NME8: variants seen among roughly 807,000 people sequenced by gnomAD.
The protein encoded by NME8 is protein NME8.
NME8 carries 72 observed loss-of-function variants against 82.3 expected under a neutral mutation model. The ratio of observed to expected loss-of-function variants is 0.87; its 90% CI spans 0.72 to 1.06. NME8 has a LOEUF of 1.06. Among genes scored for constraint, NME8 ranks in the 50% least tolerant of loss-of-function variants. NME8 has a pLI of 0.00. For synonymous variants in NME8, 267 were observed against 228.5 expected, an observed-to-expected ratio of 1.17 and a Z score of -1.52; for missense variants, 712 against 685.4, an observed-to-expected ratio of 1.04 and a Z score of -0.43.
intron 5 of NME8, among the ~76,000 whole-genome samples, chr7:37,856,287 A>G (rs531358090): frequency 6.6e-6 from 1 of 152,290 alleles, no homozygotes; most frequent in African/African-American, 2.4e-5. Flanking sequence ...GGAGATGGAG[A>G]CTTTAGAAGG....
intron 11 of NME8, among the ~76,000 whole-genome samples, chr7:37,868,640 G>A (rs1784726708): frequency 6.6e-6 from 1 of 152,028 alleles, no homozygotes; most frequent in African/African-American, 2.4e-5. Context: ...CTAGAGCTGG[G>A]CATACCAGTC....
intron 12 of NME8, among the ~76,000 whole-genome samples, chr7:37,879,852 C>T (rs1172163110): frequency 6.6e-6 from 1 of 152,122 alleles, no homozygotes; most frequent in Non-Finnish European, 1.5e-5. Context: ...ACAACCTTGC[C>T]AGGATTTGGT....
At chr7:37,860,390 C>G (rs927626646) in intron 6 of NME8, among the ~76,000 whole-genome samples, 1 of 152,170 alleles carries the variant, frequency 6.6e-6, no homozygotes, top group Non-Finnish European at 1.5e-5. Flanking sequence ...TATCCAAGTA[C>G]CAGCCTGTAC....
At chr7:37,891,862 G>A (rs1583645240) in intron 15 of NME8, among the ~76,000 whole-genome samples, 1 of 151,946 alleles carries the variant, frequency 6.6e-6, no homozygotes, top group South Asian at 2.1e-4. Flanking sequence ...TGTTTTCTCT[G>A]CTTTAAATGA....
chr7:37,882,931 A>C (rs184903796), intron 12 of NME8, among the ~76,000 whole-genome samples: 2 of 152,326 alleles, frequency 1.3e-5, no homozygotes, highest in East Asian at 3.9e-4. Flanking sequence ...GAAGCAAAGA[A>C]ACTCAATGCC....
In NME8 at chr7:37,881,015, G is replaced by A. The variant is rs560718193; in HGVS notation, c.995-3288G>A. On this transcript the variant is annotated intron_variant, in intron 12 of 17. Coordinates refer to ENST00000199447, the MANE Select transcript of NME8 (RefSeq NM_016616.5). ...TTTGCTATAATAGTCTCTTATCAGT[G>A]CCCGAAGTTTTGTGTTGTTGTTATT... Among the ~76,000 whole-genome samples, 3 of 152,150 alleles carry A rather than the reference G, an allele frequency of 2.0e-5. No individual in the cohort carries two copies. The East Asian group carries it at 5.8e-4, about 29-fold the overall frequency.
intron 16 of NME8, among the ~76,000 whole-genome samples, chr7:37,896,057 G>A (rs566805353): frequency 6.6e-6 from 1 of 152,066 alleles, no homozygotes; most frequent in Non-Finnish European, 1.5e-5. Flanking sequence ...ACACACGTGT[G>A]TATAAAATAC....
intron 12 of NME8, among the ~76,000 whole-genome samples, chr7:37,880,514 G>T (rs1346852179): frequency 6.6e-6 from 1 of 152,176 alleles, no homozygotes; most frequent in East Asian, 1.9e-4. Flanking sequence ...CTATGTTTGT[G>T]TGGGTCTTTT....
In NME8 at chr7:37,850,295, TA is replaced by T. The variant is rs753590172; in HGVS notation, c.30del (p.Leu10PhefsTer20). On this transcript the variant is annotated frameshift_variant, in exon 3 of 18. Coordinates refer to ENST00000199447, the MANE Select transcript of NME8 (RefSeq NM_016616.5). LOFTEE classifies it high-confidence loss of function. The part of the protein sequence containing the change: MASKKREVQ[L>X]QTVINNQSLW... ...GCAAGCAAAAAACGAGAAGTCCAGT[TA>T]CAGGTGGGTCTGACATATCAACAAT... 1.9e-6 allele frequency: 3 copies of T among 1,614,068 alleles called. No homozygotes were observed. The highest frequency in any genetic ancestry group is 2.5e-6 in the Non-Finnish European group (3 of 1,180,000).
intron 5 of NME8, among the ~76,000 whole-genome samples, chr7:37,851,483 TA>T (rs35859517): frequency 0.27 from 41,596 of 151,820 alleles, 5,886 homozygotes; most frequent in African/African-American, 0.36. Context: ...TATTTCTGAT[TA>T]ACATTTAGCA....
rs1271157647 is a variant in NME8 at position 37,896,116 on chromosome 7, A to G, written c.1545-754A>G. Among the ~76,000 whole-genome samples, 7 of 152,210 alleles carry G rather than the reference A, an allele frequency of 4.6e-5. No individual in the cohort carries two copies. In the East Asian group the frequency reaches 1.2e-3, roughly 25 times the overall value. On this transcript the variant is annotated intron_variant, in intron 16 of 17. Coordinates refer to ENST00000199447, the MANE Select transcript of NME8 (RefSeq NM_016616.5). The stretch of plus-strand genomic sequence containing the variant: ...ATGTCTTCTCTTTTTTCAGTTCCTG[A>G]CAATTTGTCAATGAGTTTAGGAAGG...
chr7:37,881,226 C>CT (rs921439784), intron 12 of NME8, among the ~76,000 whole-genome samples: 4 of 151,850 alleles, frequency 2.6e-5, no homozygotes, highest in African/African-American at 7.3e-5. Context: ...AGTAGCTTTG[C>CT]TTTTTTTTCC....
At chr7:37,849,738 G>A (rs545497728) in intron 2 of NME8, among the ~76,000 whole-genome samples, 2 of 152,144 alleles carry the variant, frequency 1.3e-5, no homozygotes, top group East Asian at 3.9e-4. Flanking sequence ...CGCCGTGGTG[G>A]CGGGTGCCTG....
intron 5 of NME8, among the ~76,000 whole-genome samples, chr7:37,855,909 C>A (rs1238836227): frequency 6.6e-6 from 1 of 151,962 alleles, no homozygotes; most frequent in East Asian, 1.9e-4. Context: ...GCTGGCACAG[C>A]TGCAGCAATG....
intron 12 of NME8, among the ~76,000 whole-genome samples, chr7:37,880,453 C>G (rs1784926456): frequency 6.6e-6 from 1 of 152,196 alleles, no homozygotes; most frequent in African/African-American, 2.4e-5. Context: ...GTTGACAAGA[C>G]TGTCCTTCCT....
chr7:37,877,626 G>A (rs547092191), intron 12 of NME8, among the ~76,000 whole-genome samples: 3 of 152,252 alleles, frequency 2.0e-5, no homozygotes, highest in Admixed American at 1.3e-4. Flanking sequence ...CTTTGACGTA[G>A]TTTCCTTGGC....
chr7:37,859,713 T>G (rs1216946877), intron 6 of NME8, among the ~76,000 whole-genome samples: 3 of 152,192 alleles, frequency 2.0e-5, no homozygotes, highest in African/African-American at 7.2e-5. Flanking sequence ...AAAGTCTTAC[T>G]CTCAATCCTG....
At chr7:37,864,107 T>C (rs967990704) in intron 8 of NME8, among the ~76,000 whole-genome samples, 1 of 152,186 alleles carries the variant, frequency 6.6e-6, no homozygotes, top group African/African-American at 2.4e-5. Flanking sequence ...CTACTCAATT[T>C]TTGTTTCCTC....
intron 14 of NME8, among the ~76,000 whole-genome samples, chr7:37,886,522 A>G (rs994598173): frequency 1.3e-5 from 2 of 152,200 alleles, no homozygotes; most frequent in African/African-American, 4.8e-5. Flanking sequence ...CCTGTGCCTG[A>G]ATATCAGATT....
Sources: allele counts gnomAD v4.1 joint callset (sites outside exome capture counted in the v4.1 genomes callset), GRCh38; gene constraint gnomAD v4.1.1; transcripts MANE v1.5; gene names NCBI Gene and HGNC (gene_info 2026-07-23, HGNC 2026-07-21).